The following PLOD2 variants were observed in gnomAD, a reference collection of about 807,000 sequenced individuals.
PLOD2 encodes the protein lysine hydroxylase 2.
PLOD2 carries 65 observed loss-of-function variants against 101.0 expected under a neutral mutation model. That is an observed-to-expected ratio of 0.64 (90% CI 0.53 to 0.79). The LOEUF (loss-of-function observed/expected upper bound fraction) is 0.79. Among genes scored for constraint, PLOD2 ranks in the 30% least tolerant of loss-of-function variants. The probability of loss-of-function intolerance (pLI) is 0.00; values close to 1 mark genes in which losing one functional copy is unlikely to be tolerated. For missense variants in PLOD2, 909 were observed against 914.6 expected, an observed-to-expected ratio of 0.99 and a Z score of 0.08; for synonymous variants, 314 against 302.9, an observed-to-expected ratio of 1.04 and a Z score of -0.38.
intron 1 of PLOD2, among the ~76,000 whole-genome samples, chr3:146,134,976 C>A (rs1512901): frequency 6.6e-6 from 1 of 151,998 alleles, no homozygotes; most frequent in Non-Finnish European, 1.5e-5. Flanking sequence ...CCTGATAAAG[C>A]GTGGTGTGAC....
In PLOD2 at chr3:146,104,219, T is replaced by G. The variant is rs143837404; in HGVS notation, c.679+60A>C. The stretch of plus-strand genomic sequence containing the variant: ...CCAAATGGACATAACAAAGGAAAGA[T>G]AGTTGAAAACACAGGTGTTTGTTTG... On this transcript the variant is annotated intron_variant, in intron 6 of 19. Coordinates refer to ENST00000282903, the MANE Select transcript of PLOD2 (RefSeq NM_182943.3). 5,260 of 925,778 alleles carry G rather than the reference T, an allele frequency of 5.7e-3. 30 individuals carry two copies. The highest frequency in any genetic ancestry group is 0.021 in the Middle Eastern group (100 of 4,708). 57.3% of individuals were successfully genotyped at this position (925,778 alleles called of 1,614,324 possible).
At chr3:146,098,196 T>C (rs902132772) in intron 7 of PLOD2, among the ~76,000 whole-genome samples, 1 of 152,174 alleles carries the variant, frequency 6.6e-6, no homozygotes, top group Non-Finnish European at 1.5e-5. Flanking sequence ...GTTCAGCACA[T>C]GTATCCAAGA....
intron 1 of PLOD2, among the ~76,000 whole-genome samples, chr3:146,149,054 G>A (rs532389146): frequency 8.0e-4 from 122 of 152,302 alleles, no homozygotes; most frequent in South Asian, 5.8e-3. Context: ...TTTTACATAA[G>A]CATAATTTCC....
intron 7 of PLOD2, among the ~76,000 whole-genome samples, chr3:146,100,377 T>C (rs1187696875): frequency 6.6e-6 from 1 of 152,202 alleles, no homozygotes; most frequent in African/African-American, 2.4e-5. Context: ...CTGTAATTCC[T>C]AGACCAAAGG....
intron 1 of PLOD2, among the ~76,000 whole-genome samples, chr3:146,158,173 C>T (rs1038388223): frequency 6.6e-6 from 1 of 152,044 alleles, no homozygotes. Context: ...ATCTAGAAGG[C>T]AGAAAGGGCA....
Position 146,119,704 on chromosome 3 carries a change from G to A in PLOD2, c.338+1408C>T, listed in dbSNP as rs544649323. Among the ~76,000 whole-genome samples, 20 of 151,528 alleles carry A rather than the reference G, an allele frequency of 1.3e-4. No homozygotes were observed. The South Asian group carries it at 3.6e-3, about 27-fold the overall frequency. On this transcript the variant is annotated intron_variant, in intron 3 of 19. Coordinates refer to ENST00000282903, the MANE Select transcript of PLOD2 (RefSeq NM_182943.3). ...GAGAATATGCGGTGTTTGGTTTTTT[G>A]TCCTTGCGATAGTTTGCTGAGAATG... is the stretch of plus-strand genomic sequence containing the variant.
chr3:146,101,525 A>C (rs1255585298), intron 7 of PLOD2, among the ~76,000 whole-genome samples: 1 of 152,230 alleles, frequency 6.6e-6, no homozygotes, highest in African/African-American at 2.4e-5. Context: ...TAGGTGAAAT[A>C]AAAATAAGGG....
intron 1 of PLOD2, among the ~76,000 whole-genome samples, chr3:146,128,654 G>T (rs964797111): frequency 4.0e-5 from 6 of 151,678 alleles, no homozygotes; most frequent in African/African-American, 1.5e-4. Context: ...GTTTAGAAAG[G>T]CCAAAACATG....
rs184938863 is a variant in PLOD2, at chr3:146,070,086, A to C, written c.*631T>G. ...GTTTGATTTTTAATACTAATATAAA[A>C]TAATCTGCCTTCCAATCAAAACAAA... On this transcript the variant is annotated 3_prime_UTR_variant, in exon 20 of 20. Transcript: ENST00000282903. 6.6e-6 allele frequency: 1 copy of C among 152,050 alleles called. No individual in the cohort carries two copies. The highest frequency in any genetic ancestry group is 1.9e-4 in the East Asian group (1 of 5,164). The allele number at this position is 152,050 out of a possible 1,614,324, so 9.4% of individuals were successfully genotyped here.
intron 1 of PLOD2, among the ~76,000 whole-genome samples, chr3:146,130,999 C>T (rs535678232): frequency 7.1e-4 from 108 of 152,182 alleles, no homozygotes; most frequent in African/African-American, 2.6e-3. Flanking sequence ...ACAAACAATG[C>T]GGTTTATGCT....
chr3:146,158,131 T>C (rs2032390352), intron 1 of PLOD2, among the ~76,000 whole-genome samples: 1 of 152,094 alleles, frequency 6.6e-6, no homozygotes, highest in South Asian at 2.1e-4. Flanking sequence ...GGCAAAGACT[T>C]GGCAGGAATA....
At chr3:146,112,209 T>C (rs1360502424) in intron 3 of PLOD2, among the ~76,000 whole-genome samples, 1 of 152,186 alleles carries the variant, frequency 6.6e-6, no homozygotes, top group Non-Finnish European at 1.5e-5. Context: ...ATATGTCTAC[T>C]GCAGCATTAT....
chr3:146,104,176 C>T (rs1486154455), intron 6 of PLOD2, 103 bp downstream of exon 6: 3 of 777,474 alleles, frequency 3.9e-6, no homozygotes, highest in Admixed American at 1.7e-5. Context: ...TTTACACTGT[C>T]GACCTTAGTC....
chr3:146,088,425 G>C (rs1228994763), intron 9 of PLOD2, among the ~76,000 whole-genome samples, 161 bp downstream of exon 9: 3 of 151,508 alleles, frequency 2.0e-5, no homozygotes, highest in Non-Finnish European at 1.5e-5. Context: ...CTAGTCTCTA[G>C]AATCTAAAAT....
chr3:146,154,701 T>C (rs912043804), intron 1 of PLOD2, among the ~76,000 whole-genome samples: 1 of 152,148 alleles, frequency 6.6e-6, no homozygotes, highest in Non-Finnish European at 1.5e-5. Flanking sequence ...AAGAAATAAA[T>C]TCAAGAAAGG....
chr3:146,112,760 A>T (rs148527727), intron 3 of PLOD2, among the ~76,000 whole-genome samples: 13,435 of 150,924 alleles, frequency 0.089, 764 homozygotes, highest in South Asian at 0.14. Flanking sequence ...CTAAGGCAGG[A>T]GAATTGCTTG....
chr3:146,081,634 A>G, intron 12 of PLOD2, 104 bp downstream of exon 12: 3 of 875,722 alleles, frequency 3.4e-6, no homozygotes, highest in East Asian at 2.6e-5. Flanking sequence ...CCCATTAACT[A>G]TAAAGAAAAG....
intron 8 of PLOD2, among the ~76,000 whole-genome samples, chr3:146,091,387 A>T (rs1576585402): frequency 6.6e-6 from 1 of 152,050 alleles, no homozygotes; most frequent in East Asian, 1.9e-4. Flanking sequence ...AAAGTAGTTA[A>T]AACAGTCGTT....
chr3:146,107,389 G>A (rs1401104329), intron 4 of PLOD2, among the ~76,000 whole-genome samples: 2 of 152,072 alleles, frequency 1.3e-5, no homozygotes, highest in Non-Finnish European at 2.9e-5. Context: ...CTGAATTATG[G>A]AAATGCAGCC....
Sources: gnomAD v4.1 joint callset for allele counts (sites outside exome capture counted in the v4.1 genomes callset) on GRCh38, gnomAD v4.1.1 for gene constraint, MANE v1.5 for transcripts, NCBI Gene and HGNC (gene_info 2026-07-23, HGNC 2026-07-21) for gene names.